Variants in SFXN4 observed in about 807,000 individuals in gnomAD.
SFXN4 encodes the protein sideroflexin 4, also known as sideroflexin-4.
SFXN4 carries 48 observed loss-of-function variants against 54.6 expected under a neutral mutation model. That is an observed-to-expected ratio of 0.88 (90% CI 0.70 to 1.12). SFXN4 has a LOEUF of 1.12. Among genes scored for constraint, SFXN4 ranks in the 50% most tolerant of loss-of-function variants. The pLI is 0.00. For synonymous variants in SFXN4, 130 were observed against 145.5 expected (o/e 0.89, Z 0.77); for missense variants, 383 against 409.2 (o/e 0.94, Z 0.55).
Position 119,155,069 on chromosome 10 carries a change from C to T in SFXN4, c.725G>A (p.Gly242Glu), listed in dbSNP as rs1252389995. 4 of 1,612,154 alleles carry T rather than the reference C, an allele frequency of 2.5e-6. No individual in the cohort carries two copies. The highest frequency in any genetic ancestry group is 4.5e-5 in the East Asian group (2 of 44,880). ...CTTCATCCTGTCTCTTACCTTTGTC[C>T]CAGCAATTCTGGAATGACCCAGGAC... is the stretch of plus-strand genomic sequence containing the variant. ...GNVLGHSRIA[G>E]TKAVRETLAS... The change falls in exon 11 of 14, where the codon GGG becomes GAG. Residue 242 changes from glycine to glutamate, a missense_variant. Physicochemically the swap from Gly to Glu is moderately conservative, Grantham distance 98. Transcript: ENST00000355697.
At chr10:119,142,726 ATTTTTTTTTTT>A (rs573311460) in intron 13 of SFXN4, among the ~76,000 whole-genome samples, 2 of 77,468 alleles carry the variant, frequency 2.6e-5, no homozygotes, top group Non-Finnish European at 4.9e-5. Flanking sequence ...AATGTTTTGA[ATTTTTTTTTTT>A]TTTTTTTTTT....
chr10:119,163,475 G>A (rs1156864640), intron 2 of SFXN4, among the ~76,000 whole-genome samples: 1 of 152,046 alleles, frequency 6.6e-6, no homozygotes, highest in African/African-American at 2.4e-5. Context: ...TCGGCTCACT[G>A]CAACCTCCAC....
intron 9 of SFXN4, 76 bp from the exon 10 acceptor site, chr10:119,156,832 C>T (rs1482766421): frequency 1.0e-5 from 11 of 1,077,474 alleles, no homozygotes; most frequent in South Asian, 2.7e-5. Flanking sequence ...GCAGAGAGGT[C>T]GCCCTGACCT....
chr10:119,164,149 T>C lies in SFXN4; in HGVS notation c.159A>G (p.Thr53=). The stretch of plus-strand genomic sequence containing the variant: ...TACTTACAACTGAAATGAACACATT[T>C]GTAGGATCTAATAATTCTGTCCATT... ...FLQWTELLDP[T]NVFISVESIE... The change falls in exon 2 of 14, where the codon ACA becomes ACG. Residue 53 remains threonine (T), a synonymous_variant. Transcript: ENST00000355697. 1.3e-6 allele frequency: 2 copies of C among 1,592,044 alleles called. No individual in the cohort carries two copies. The highest frequency in any genetic ancestry group is 1.7e-6 in the Non-Finnish European group (2 of 1,167,394).
At chr10:119,141,537 G>A (rs1459401812) in intron 13 of SFXN4, among the ~76,000 whole-genome samples, 1 of 129,340 alleles carries the variant, frequency 7.7e-6, no homozygotes, top group African/African-American at 3.0e-5. Flanking sequence ...TTGAGACAGA[G>A]TCTTGCTCTG....
intron 11 of SFXN4, among the ~76,000 whole-genome samples, chr10:119,151,399 T>A (rs1476651955): frequency 1.0e-5 from 1 of 95,730 alleles, no homozygotes; most frequent in Non-Finnish European, 1.9e-5. Flanking sequence ...AAGAAGCAGA[T>A]CAGTGCCTCC....
chr10:119,154,256 C>CA (rs1847188978), intron 11 of SFXN4, among the ~76,000 whole-genome samples: 1 of 152,028 alleles, frequency 6.6e-6, no homozygotes, highest in African/African-American at 2.4e-5. Context: ...GCCTTATAGG[C>CA]AAAAACTGAG....
chr10:119,149,168 T>C (rs1846946541), intron 11 of SFXN4, among the ~76,000 whole-genome samples: 1 of 152,138 alleles, frequency 6.6e-6, no homozygotes, highest in Non-Finnish European at 1.5e-5. Context: ...ATGTTAACTT[T>C]AGAACCCACC....
Position 119,148,277 on chromosome 10 carries a change from C to T in SFXN4, c.733-417G>A, listed in dbSNP as rs1378890685. Among the ~76,000 whole-genome samples the T allele has an allele frequency of 2.6e-5, 4 of 152,032 alleles. No homozygotes were observed. The East Asian group carries it at 7.7e-4, about 29-fold the overall frequency. On this transcript the variant is annotated intron_variant, in intron 11 of 13. Transcript: ENST00000355697. ...CCTTCTCACTTAGAAAAAGAATGCC[C>T]GTGGAGAGAGGCGGAGGGGACGCCT...
At chr10:119,165,314 C>A (rs1185912370) in intron 1 of SFXN4, 3 of 1,272,772 alleles carry the variant, frequency 2.4e-6, no homozygotes, top group Admixed American at 4.5e-5. Flanking sequence ...TGGAGGGTGA[C>A]GTTGTGGTCG....
chr10:119,161,214 G>C, intron 3 of SFXN4, 133 bp from the exon 4 acceptor site: 1 of 792,758 alleles, frequency 1.3e-6, no homozygotes, highest in Non-Finnish European at 2.0e-6. Context: ...GAACTACTGG[G>C]TTCAAACGAT....
chr10:119,157,832 A>C (rs1478241589), intron 8 of SFXN4, 39 bp downstream of exon 8: 1 of 1,612,114 alleles, frequency 6.2e-7, no homozygotes, highest in Non-Finnish European at 8.5e-7. Flanking sequence ...AAAAGGAATA[A>C]CACAAAACCC....
chr10:119,161,193 A>G (rs1399080784), intron 3 of SFXN4, 112 bp from the exon 4 acceptor site: 3 of 1,017,710 alleles, frequency 2.9e-6, no homozygotes, highest in Non-Finnish European at 4.4e-6. Flanking sequence ...CACTCACTGC[A>G]GAACAGCCTC....
rs1463395533 is a variant in SFXN4 at position 119,141,248 on chromosome 10, C to T, written c.1008G>A (p.Gly336=). ...ATTCACCTAAAACTCACGCCTACAC[C>T]CCTCTGTGATAAAAGATTTCTGTTT... ...TEETEIFYHR[G]V Residue 336 remains glycine, a synonymous_variant, in exon 14 of 14, where the codon GGG becomes GGA. Transcript: ENST00000355697. The T allele has an allele frequency of 6.2e-7, 1 of 1,610,812 alleles. No homozygotes were observed. Among genetic ancestry groups the T allele is most frequent in the Admixed American group, 1.7e-5 (1 of 59,952 alleles).
intron 1 of SFXN4, among the ~76,000 whole-genome samples, chr10:119,164,407 G>A (rs1847684055): frequency 6.6e-6 from 1 of 151,956 alleles, no homozygotes; most frequent in African/African-American, 2.4e-5. Flanking sequence ...ATGTACTCAA[G>A]GCAACACAGC....
At chr10:119,158,315 G>A (rs981797263) in intron 6 of SFXN4, among the ~76,000 whole-genome samples, 3 of 152,100 alleles carry the variant, frequency 2.0e-5, no homozygotes, top group Admixed American at 1.3e-4. Context: ...GTCCAGCAGG[G>A]TAGCTAAGAT....
At chr10:119,160,848 G>T in intron 5 of SFXN4, 67 bp downstream of exon 5, 1 of 1,515,416 alleles carries the variant, frequency 6.6e-7, no homozygotes, top group Non-Finnish European at 9.2e-7. Flanking sequence ...GATCCGGCAG[G>T]CAGAGTTTTC....
At chr10:119,162,088 C>G in intron 3 of SFXN4, 1 of 516,000 alleles carries the variant, frequency 1.9e-6, no homozygotes, top group African/African-American at 2.0e-5. Flanking sequence ...TAGGAGGAAA[C>G]TTGCTGTCTG....
chr10:119,141,804 G>C (rs1250204040), intron 13 of SFXN4, among the ~76,000 whole-genome samples: 2 of 152,172 alleles, frequency 1.3e-5, no homozygotes, highest in Admixed American at 1.3e-4. Flanking sequence ...GGCTGAGGCA[G>C]GTAGATCACT....
Sources: gnomAD v4.1 joint callset for allele counts (sites outside exome capture counted in the v4.1 genomes callset) on GRCh38, gnomAD v4.1.1 for gene constraint, MANE v1.5 for transcripts, NCBI Gene and HGNC (gene_info 2026-07-23, HGNC 2026-07-21) for gene names.